Variants in LRP1B observed in about 807,000 individuals in gnomAD.
The protein encoded by LRP1B is low-density lipoprotein receptor-related protein 1B.
In LRP1B, 217 loss-of-function variants were observed where a neutral mutation model predicts 556.6. That is an observed-to-expected ratio of 0.39 (90% CI 0.35 to 0.44). The LOEUF is 0.44. Among genes scored for constraint, LRP1B ranks in the 20% least tolerant of loss-of-function variants. The probability of loss-of-function intolerance (pLI) is 1.00; values close to 1 mark genes in which losing one functional copy is unlikely to be tolerated. For missense variants in LRP1B, 5,053 were observed against 5,620.8 expected, an observed-to-expected ratio of 0.90 and a Z score of 3.23; for synonymous variants, 2,047 against 1,865.8, an observed-to-expected ratio of 1.10 and a Z score of -2.50.
At chr2:141,040,709 G>A (rs530250330) in intron 11 of LRP1B, among the ~76,000 whole-genome samples, 149 of 152,066 alleles carry the variant, frequency 9.8e-4, no homozygotes, top group Non-Finnish European at 1.9e-3. Flanking sequence ...TAATTGATGG[G>A]CTACACATTT....
At chr2:141,003,071 C>A (rs1697471489) in intron 15 of LRP1B, among the ~76,000 whole-genome samples, 1 of 151,836 alleles carries the variant, frequency 6.6e-6, no homozygotes, top group Non-Finnish European at 1.5e-5. Flanking sequence ...GAAGATGTAA[C>A]AATGTCCAAT....
chr2:140,367,490 G>C (rs919785538), intron 71 of LRP1B, among the ~76,000 whole-genome samples: 1 of 151,672 alleles, frequency 6.6e-6, no homozygotes, highest in African/African-American at 2.4e-5. Context: ...TTGAACATCT[G>C]TCATTGGGAT....
At chr2:140,239,211 T>C (rs1218795727) in intron 88 of LRP1B, among the ~76,000 whole-genome samples, 2 of 150,832 alleles carry the variant, frequency 1.3e-5, no homozygotes, top group Non-Finnish European at 3.0e-5. Context: ...TATGATCTCT[T>C]GTCAGTTTTG....
intron 1 of LRP1B, among the ~76,000 whole-genome samples, chr2:141,895,010 T>G (rs565553682): frequency 7.1e-6 from 1 of 140,394 alleles, no homozygotes; most frequent in Non-Finnish European, 1.5e-5. Flanking sequence ...TTCGTGCCAT[T>G]GCACTCCAGC....
chr2:140,983,515 A>G (rs1365458951), intron 17 of LRP1B, among the ~76,000 whole-genome samples: 6 of 152,154 alleles, frequency 3.9e-5, no homozygotes, highest in Non-Finnish European at 8.8e-5. Context: ...CAAATGCACT[A>G]AAATGGGTTC....
At chr2:141,112,071 T>TAAATACATAATAAATA (rs1553461490) in intron 7 of LRP1B, among the ~76,000 whole-genome samples, 5 of 145,822 alleles carry the variant, frequency 3.4e-5, no homozygotes, top group Admixed American at 6.8e-5. Context: ...AATAAATAAA[T>TAAATACATAATAAATA]AATAAATAAA....
Position 141,038,232 on chromosome 2 carries a change from C to T in LRP1B, c.1789+10754G>A, listed in dbSNP as rs747569002. On this transcript the variant is annotated intron_variant, in intron 11 of 90. Transcript: ENST00000389484. ...ACAAATACGCCCTCCAGTCCTTCTCCGGGCCAGAGGCAGCACAAAAGTGGG... is the reference window on the plus strand; with the variant it reads ...ACAAATACGCCCTCCAGTCCTTCTCTGGGCCAGAGGCAGCACAAAAGTGGG... Among the ~76,000 whole-genome samples, 15 of 152,052 alleles carry T rather than the reference C, an allele frequency of 9.9e-5. No homozygotes were observed. In the South Asian group the frequency reaches 1.0e-3, roughly 11 times the overall value.
chr2:141,219,125 G>T (rs538753332), intron 6 of LRP1B, among the ~76,000 whole-genome samples: 1 of 152,190 alleles, frequency 6.6e-6, no homozygotes, highest in Non-Finnish European at 1.5e-5. Context: ...AGGGCCTTGG[G>T]TCCCAAACTG....
At chr2:141,922,129 G>C (rs1700202989) in intron 1 of LRP1B, among the ~76,000 whole-genome samples, 1 of 152,084 alleles carries the variant, frequency 6.6e-6, no homozygotes, top group Non-Finnish European at 1.5e-5. Flanking sequence ...AGGTCTCTTA[G>C]ACCTAAACAT....
At chr2:142,031,924 G>T (rs145100041) in intron 1 of LRP1B, among the ~76,000 whole-genome samples, 1 of 151,894 alleles carries the variant, frequency 6.6e-6, no homozygotes, top group Non-Finnish European at 1.5e-5. Flanking sequence ...CACATGCATA[G>T]GGAGAATGCC....
chr2:140,733,609 C>T (rs1687849082), intron 35 of LRP1B, among the ~76,000 whole-genome samples: 2 of 151,858 alleles, frequency 1.3e-5, no homozygotes, highest in Non-Finnish European at 2.9e-5. Flanking sequence ...AAACCAGGCA[C>T]AAAAGAATAT....
At chr2:140,623,423 A>T (rs1030868108) in intron 41 of LRP1B, among the ~76,000 whole-genome samples, 1 of 152,290 alleles carries the variant, frequency 6.6e-6, no homozygotes, top group South Asian at 2.1e-4. Context: ...CTTATCTAGT[A>T]CACCAGATAA....
chr2:140,519,991 T>C (rs1419621348), intron 49 of LRP1B, among the ~76,000 whole-genome samples: 1 of 152,122 alleles, frequency 6.6e-6, no homozygotes, highest in Non-Finnish European at 1.5e-5. Flanking sequence ...TGTGGAGAAA[T>C]AGGAATGCTT....
chr2:141,603,467 C>T (rs1687819320), intron 2 of LRP1B, among the ~76,000 whole-genome samples: 1 of 152,070 alleles, frequency 6.6e-6, no homozygotes, highest in Non-Finnish European at 1.5e-5. Context: ...CATAATACAG[C>T]TTGCCCATGT....
chr2:141,718,335 G>GT (rs1457267767), intron 2 of LRP1B, among the ~76,000 whole-genome samples: 1 of 152,080 alleles, frequency 6.6e-6, no homozygotes, highest in Non-Finnish European at 1.5e-5. Context: ...CTTAAACCAT[G>GT]TTTGTTAGGT....
intron 6 of LRP1B, among the ~76,000 whole-genome samples, chr2:141,195,030 C>T (rs1418718404): frequency 2.0e-5 from 3 of 152,070 alleles, no homozygotes; most frequent in African/African-American, 7.2e-5. Context: ...TGATACTCCT[C>T]CTTTTAAGAG....
chr2:140,602,617 T>G (rs1682715289), intron 41 of LRP1B, among the ~76,000 whole-genome samples: 1 of 151,984 alleles, frequency 6.6e-6, no homozygotes, highest in African/African-American at 2.4e-5. Flanking sequence ...GCTATAAAAA[T>G]AGGTATCTGA....
intron 2 of LRP1B, among the ~76,000 whole-genome samples, chr2:141,574,791 A>G (rs1686673336): frequency 2.0e-5 from 3 of 152,152 alleles, no homozygotes; most frequent in African/African-American, 7.2e-5. Flanking sequence ...GAAAATCACA[A>G]GCATTCTTTT....
chr2:141,520,869 T>G (rs182977639), intron 2 of LRP1B, among the ~76,000 whole-genome samples: 90 of 152,168 alleles, frequency 5.9e-4, no homozygotes, highest in Non-Finnish European at 3.1e-4. Flanking sequence ...AAAAAGCAGG[T>G]CAGTGTGCTG....
Sources: allele counts gnomAD v4.1 joint callset (sites outside exome capture counted in the v4.1 genomes callset), GRCh38; gene constraint gnomAD v4.1.1; transcripts MANE v1.5; gene names NCBI Gene and HGNC (gene_info 2026-07-23, HGNC 2026-07-21).